The following SLC36A1 variants were observed in gnomAD, a reference collection of about 807,000 sequenced individuals.
SLC36A1 encodes the protein solute carrier family 36 member 1.
SLC36A1 carries 30 observed loss-of-function variants against 47.5 expected under a neutral mutation model. The observed-to-expected ratio is 0.63, with a 90% CI of 0.47 to 0.86. The LOEUF is 0.86. Ranked by LOEUF, SLC36A1 falls within the 40% of genes least tolerant of loss-of-function variation. The pLI is 0.00. For missense variants in SLC36A1, 517 were observed against 606.0 expected (o/e 0.85, Z 1.54); for synonymous variants, 255 against 249.7 (o/e 1.02, Z -0.20).
At chr5:151,348,421 G>C in the SLC36A1 span, among the ~76,000 whole-genome samples, 1 of 152,132 alleles carries the variant, frequency 6.6e-6, no homozygotes, top group Non-Finnish European at 1.5e-5. Flanking sequence ...TACAGCTTTT[G>C]ACTCAAGCCA....
At chr5:151,402,339 A>G in the SLC36A1 span, among the ~76,000 whole-genome samples, 1 of 152,188 alleles carries the variant, frequency 6.6e-6, no homozygotes, top group Admixed American at 6.5e-5. Context: ...CCCAGGAATA[A>G]AGTCTAGTTG....
At chr5:151,421,317 C>G in the SLC36A1 span, among the ~76,000 whole-genome samples, 98 of 151,250 alleles carry the variant, frequency 6.5e-4, no homozygotes, top group African/African-American at 2.4e-3. Flanking sequence ...TCTTGGCTCA[C>G]TGCAACCTCC....
At chr5:151,550,570 A>G in the SLC36A1 span, 3 of 1,613,204 alleles carry the variant, frequency 1.9e-6, no homozygotes, top group Non-Finnish European at 2.5e-6. Context: ...TATTCTCACC[A>G]GATTTTTCCA....
chr5:151,402,671 A>AT, the SLC36A1 span, among the ~76,000 whole-genome samples: 1 of 152,068 alleles, frequency 6.6e-6, no homozygotes, highest in African/African-American at 2.4e-5. Context: ...CTAAATGCTG[A>AT]TTCAATTTTG....
At chr5:151,518,239 T>C in the SLC36A1 span, among the ~76,000 whole-genome samples, 181 of 151,960 alleles carry the variant, frequency 1.2e-3, no homozygotes, top group Admixed American at 4.7e-3. Flanking sequence ...TGGAATTACA[T>C]CCTCTCAGCT....
intron 7 of SLC36A1, among the ~76,000 whole-genome samples, chr5:151,468,308 A>T (rs1332061468): frequency 1.8e-5 from 2 of 110,104 alleles, no homozygotes; most frequent in Admixed American, 9.3e-5. Flanking sequence ...ATATATATAT[A>T]TTTACATATA....
the SLC36A1 span, among the ~76,000 whole-genome samples, chr5:151,537,220 A>AG: frequency 6.6e-6 from 1 of 150,894 alleles, no homozygotes; most frequent in South Asian, 2.1e-4. Flanking sequence ...AGGAAGAAGA[A>AG]GAGGAGGAGG....
the SLC36A1 span, among the ~76,000 whole-genome samples, chr5:151,374,700 G>A: frequency 6.6e-6 from 1 of 152,132 alleles, no homozygotes; most frequent in African/African-American, 2.4e-5. Flanking sequence ...ATACAACAAT[G>A]TATTAGCATT....
chr5:151,347,165 C>G, the SLC36A1 span: 1 of 1,094,010 alleles, frequency 9.1e-7, no homozygotes, highest in Non-Finnish European at 1.4e-6. Context: ...CAGCCCATGA[C>G]TGCACCTTTT....
At chr5:151,469,142 A>T (rs1581157131) in intron 7 of SLC36A1, 1 of 606,666 alleles carries the variant, frequency 1.6e-6, no homozygotes, top group South Asian at 2.0e-5. Flanking sequence ...ATCAGTACAT[A>T]TTCATTAAAA....
chr5:151,474,505 T>G (rs1757783895), intron 8 of SLC36A1, among the ~76,000 whole-genome samples: 3 of 152,204 alleles, frequency 2.0e-5, no homozygotes, highest in Non-Finnish European at 2.9e-5. Flanking sequence ...TCGTAGTTAT[T>G]AGGATTAAAT....
chr5:151,482,307 T>G (rs891699424), intron 10 of SLC36A1, among the ~76,000 whole-genome samples: 3 of 151,018 alleles, frequency 2.0e-5, no homozygotes, highest in Non-Finnish European at 4.4e-5. Context: ...GGAACCCTCA[T>G]AAGGCCTCAG....
intron 8 of SLC36A1, 43 bp downstream of exon 8, chr5:151,473,814 C>A: frequency 7.1e-7 from 1 of 1,407,008 alleles, no homozygotes; most frequent in South Asian, 1.2e-5. Flanking sequence ...CTCTGGTGCC[C>A]TTGGTGTTCT....
At chr5:151,434,067 ATAGTTGCCAGCT>A (rs750845203), upstream of SLC36A1, among the ~76,000 whole-genome samples, 1 of 152,232 alleles carries the variant, frequency 6.6e-6, no homozygotes, top group Non-Finnish European at 1.5e-5. Flanking sequence ...ACCTAGACTG[ATAGTTGCCAGCT>A]GCTGGCAGAA....
the SLC36A1 span, among the ~76,000 whole-genome samples, chr5:151,518,368 A>ATTATTACTATTATT: frequency 1.2e-5 from 1 of 82,382 alleles, no homozygotes; most frequent in South Asian, 5.8e-4. Flanking sequence ...TAATAATAAT[A>ATTATTACTATTATT]ATAATAATTT....
At chr5:151,380,404 T>A in the SLC36A1 span, 1 of 391,916 alleles carries the variant, frequency 2.6e-6, no homozygotes, top group Admixed American at 3.3e-5. Flanking sequence ...CAAGAGCGTG[T>A]GGAAACCCAA....
intron 1 of SLC36A1, among the ~76,000 whole-genome samples, chr5:151,457,855 T>G (rs1754800066): frequency 2.1e-5 from 1 of 48,384 alleles, no homozygotes. Context: ...TGTTTGTTTG[T>G]TTTTTTTTTT....
At chr5:151,414,776 T>C in the SLC36A1 span, 2 of 152,158 alleles carry the variant, frequency 1.3e-5, no homozygotes, top group African/African-American at 4.8e-5. Flanking sequence ...TCCCTGGGCA[T>C]TGGGAGAAGA....
chr5:151,533,187 G>C, the SLC36A1 span, among the ~76,000 whole-genome samples: 2 of 152,052 alleles, frequency 1.3e-5, no homozygotes, highest in Non-Finnish European at 2.9e-5. Flanking sequence ...AGAAGGAAGG[G>C]GCTGCTTAGG....
Sources: allele counts gnomAD v4.1 joint callset (sites outside exome capture counted in the v4.1 genomes callset), GRCh38; gene constraint gnomAD v4.1.1; transcripts MANE v1.5; gene names NCBI Gene and HGNC (gene_info 2026-07-23, HGNC 2026-07-21).